Variants in ADCY2 observed in about 807,000 individuals in gnomAD.
ADCY2 encodes adenylate cyclase 2.
A neutral mutation model predicts 125.2 loss-of-function variants in ADCY2; 31 were observed. The observed-to-expected ratio is 0.25, with a 90% confidence interval of 0.19 to 0.33. ADCY2 has a LOEUF of 0.33. ADCY2 is among the 10% of genes least tolerant of loss of function. The pLI is 1.00. For synonymous variants in ADCY2, 512 were observed against 548.4 expected (o/e 0.93, Z 0.93); for missense variants, 904 against 1,418.2 (o/e 0.64, Z 5.82).
intron 2 of ADCY2, among the ~76,000 whole-genome samples, chr5:7,497,217 AC>A (rs759498055): frequency 3.3e-5 from 5 of 152,330 alleles, no homozygotes; most frequent in Non-Finnish European, 7.4e-5. Context: ...ATCACATGTC[AC>A]TAACAGTATG....
At chr5:7,814,969 C>G (rs1007753459) in intron 22 of ADCY2, among the ~76,000 whole-genome samples, 7 of 152,160 alleles carry the variant, frequency 4.6e-5, no homozygotes, top group African/African-American at 1.7e-4. Flanking sequence ...CATGTCCTAG[C>G]CCAGGGCATA....
At chr5:7,739,104 G>T (rs10055212) in intron 14 of ADCY2, among the ~76,000 whole-genome samples, 11,357 of 151,710 alleles carry the variant, frequency 0.075, 477 homozygotes, top group South Asian at 0.12. Context: ...AAAAATACTT[G>T]TTTACTTAAA....
At chr5:7,583,439 T>G (rs1736500855) in intron 3 of ADCY2, among the ~76,000 whole-genome samples, 1 of 152,074 alleles carries the variant, frequency 6.6e-6, no homozygotes, top group African/African-American at 2.4e-5. Flanking sequence ...AGCTTTGCTA[T>G]TCAGGATACA....
intron 3 of ADCY2, among the ~76,000 whole-genome samples, chr5:7,530,607 C>T (rs1468568715): frequency 8.7e-6 from 1 of 114,592 alleles, no homozygotes; most frequent in African/African-American, 2.7e-5. Context: ...GTACCTCATC[C>T]AGATATAACC....
At chr5:7,780,939 G>A (rs891923495) in intron 18 of ADCY2, among the ~76,000 whole-genome samples, 8 of 152,218 alleles carry the variant, frequency 5.3e-5, no homozygotes, top group African/African-American at 9.6e-5. Flanking sequence ...AACCTCAGGC[G>A]GAGGGCCAAC....
intron 17 of ADCY2, among the ~76,000 whole-genome samples, chr5:7,767,799 G>C (rs1743434007): frequency 6.6e-6 from 1 of 152,058 alleles, no homozygotes; most frequent in African/African-American, 2.4e-5. Context: ...GGGAGTCCGA[G>C]GCAGGCAGAT....
intron 4 of ADCY2, among the ~76,000 whole-genome samples, chr5:7,634,584 A>G (rs1738429089): frequency 6.6e-6 from 1 of 152,232 alleles, no homozygotes. Flanking sequence ...AATGATACTC[A>G]CATAAACACA....
At chr5:7,729,932 A>T (rs1463976389) in intron 14 of ADCY2, among the ~76,000 whole-genome samples, 1 of 151,746 alleles carries the variant, frequency 6.6e-6, no homozygotes, top group East Asian at 1.9e-4. Flanking sequence ...TTTTTGTTAC[A>T]TGGATGAATG....
rs1042611925 is a variant in ADCY2, at chr5:7,397,888, C to A, written c.210+1382C>A. Among the ~76,000 whole-genome samples, 9 of 152,128 alleles carry A rather than the reference C, an allele frequency of 5.9e-5. No homozygotes were observed. In the East Asian group the frequency reaches 1.7e-3, roughly 29 times the overall value. ...TAGTCTAGATAGGAGTCCGGAGAAACCCTCACTCTCTCCACATGTAACCAG... is the reference window on the plus strand; with the variant it reads ...TAGTCTAGATAGGAGTCCGGAGAAAACCTCACTCTCTCCACATGTAACCAG... On this transcript the variant is annotated intron_variant, in intron 1 of 24. Transcript: ENST00000338316.
chr5:7,474,817 T>C (rs1742459932), intron 2 of ADCY2, among the ~76,000 whole-genome samples: 2 of 152,212 alleles, frequency 1.3e-5, no homozygotes, highest in Admixed American at 6.5e-5. Flanking sequence ...AGATAACACC[T>C]CTCTGGTGGG....
chr5:7,536,275 C>G (rs2126553493), intron 3 of ADCY2, among the ~76,000 whole-genome samples: 1 of 152,304 alleles, frequency 6.6e-6, no homozygotes, highest in East Asian at 1.9e-4. Flanking sequence ...GGGGGTGCCC[C>G]CAGTGGAACA....
At chr5:7,810,090 T>C (rs761476470) in intron 22 of ADCY2, among the ~76,000 whole-genome samples, 1 of 152,172 alleles carries the variant, frequency 6.6e-6, no homozygotes, top group Non-Finnish European at 1.5e-5. Flanking sequence ...CCCCTGCTTG[T>C]TTCTTTCCAT....
chr5:7,670,741 C>T (rs544928422), intron 4 of ADCY2, among the ~76,000 whole-genome samples: 11 of 152,188 alleles, frequency 7.2e-5, no homozygotes, highest in Non-Finnish European at 1.3e-4. Context: ...CTAGATCCCT[C>T]CCGTGCACAG....
At chr5:7,447,703 C>A (rs1273550903) in intron 2 of ADCY2, among the ~76,000 whole-genome samples, 1 of 152,152 alleles carries the variant, frequency 6.6e-6, no homozygotes, top group Non-Finnish European at 1.5e-5. Flanking sequence ...AGGAAGAGAT[C>A]AGCACAGTGG....
intron 1 of ADCY2, among the ~76,000 whole-genome samples, chr5:7,407,569 A>G (rs539036693): frequency 2.0e-5 from 3 of 152,274 alleles, no homozygotes; most frequent in African/African-American, 4.8e-5. Flanking sequence ...TCACATGTCT[A>G]GTCAGCCAAA....
chr5:7,631,578 G>C (rs1738312087), intron 4 of ADCY2, among the ~76,000 whole-genome samples: 1 of 152,206 alleles, frequency 6.6e-6, no homozygotes, highest in Non-Finnish European at 1.5e-5. Flanking sequence ...CCTAAAAAGA[G>C]TAGGAACAAC....
rs577337631 is a variant in ADCY2 at position 7,734,460 on chromosome 5, C to T, written c.1871+7199C>T. Among the ~76,000 whole-genome samples the T allele has an allele frequency of 7.9e-5, 12 of 152,322 alleles. No homozygotes were observed. In the South Asian group the frequency reaches 1.2e-3, roughly 16 times the overall value. The stretch of plus-strand genomic sequence containing the variant: ...CTCTTCCATATTCCATAACAATGCA[C>T]TTGAATAAAGCACCAAAGTCAAAAA... On this transcript the variant is annotated intron_variant, in intron 14 of 24. Coordinates refer to ENST00000338316, the MANE Select transcript of ADCY2 (RefSeq NM_020546.3).
intron 2 of ADCY2, among the ~76,000 whole-genome samples, chr5:7,491,297 G>A (rs1743156647): frequency 6.6e-6 from 1 of 151,884 alleles, no homozygotes; most frequent in South Asian, 2.1e-4. Flanking sequence ...TGTTGCCCAG[G>A]CTGGAGTGCA....
At chr5:7,666,427 C>T (rs897555715) in intron 4 of ADCY2, among the ~76,000 whole-genome samples, 2 of 151,976 alleles carry the variant, frequency 1.3e-5, no homozygotes, top group African/African-American at 2.4e-5. Context: ...CGCCACCACG[C>T]CCGGCTAATT....
Sources: allele counts gnomAD v4.1 joint callset (sites outside exome capture counted in the v4.1 genomes callset), GRCh38; gene constraint gnomAD v4.1.1; transcripts MANE v1.5; gene names NCBI Gene and HGNC (gene_info 2026-07-23, HGNC 2026-07-21).